Variants in RPAP3 observed in about 807,000 individuals in gnomAD.
RPAP3 encodes the protein RNA polymerase II-associated protein 3.
Under a neutral mutation model 88.8 loss-of-function variants are expected in RPAP3, and 58 were observed. That is an observed-to-expected ratio of 0.65 (90% CI 0.53 to 0.81). RPAP3 has a LOEUF of 0.81. Among genes scored for constraint, RPAP3 ranks in the 40% least tolerant of loss-of-function variants. The probability of loss-of-function intolerance (pLI) is 0.00; values close to 1 mark genes in which losing one functional copy is unlikely to be tolerated. For synonymous variants in RPAP3, 255 were observed against 259.9 expected, an observed-to-expected ratio of 0.98 and a Z score of 0.18; for missense variants, 751 against 764.3, an observed-to-expected ratio of 0.98 and a Z score of 0.20.
Position 47,695,437 on chromosome 12 carries a change from T to G in RPAP3, c.545+839A>C, listed in dbSNP as rs981455467. Among the ~76,000 whole-genome samples, 3 of 152,024 alleles carry G rather than the reference T, an allele frequency of 2.0e-5. No individual in the cohort carries two copies. In the East Asian group the frequency reaches 5.8e-4, roughly 29 times the overall value. On this transcript the variant is annotated intron_variant, in intron 5 of 16. Coordinates refer to ENST00000005386, the MANE Select transcript of RPAP3 (RefSeq NM_024604.3). Reference sequence around the variant, plus strand: ...TTAAATCAAAAGGATGACAAATATATAATTCAAGATAGTGGTTAACTGGGA... The same window carrying G: ...TTAAATCAAAAGGATGACAAATATAGAATTCAAGATAGTGGTTAACTGGGA...
chr12:47,701,071 C>T (rs1393158445), intron 3 of RPAP3: 2 of 152,982 alleles, frequency 1.3e-5, no homozygotes, highest in African/African-American at 4.8e-5. Context: ...TAAAATAACA[C>T]AGAACCATAC....
intron 3 of RPAP3, among the ~76,000 whole-genome samples, chr12:47,698,957 C>T (rs1376607906): frequency 6.6e-6 from 1 of 152,110 alleles, no homozygotes; most frequent in Non-Finnish European, 1.5e-5. Flanking sequence ...ATTAAATGAA[C>T]ATTGAAACAT....
At position 47,681,787 on chromosome 12, in the gene RPAP3, T is replaced by C. The variant is rs776231902; in HGVS notation, c.1023A>G (p.Gln341=). The change falls in exon 10 of 17, where the codon CAA becomes CAG. Residue 341 remains glutamine, a synonymous_variant. Coordinates refer to ENST00000005386, the MANE Select transcript of RPAP3 (RefSeq NM_024604.3). ...AATATGAGCCATCTAATAAAATGGC[T>C]TGTGTGCAGTCTTTTTCAGCTTCTT... The part of the protein sequence containing the change: ...KYEEAEKDCT[Q]AILLDGSYSK... 14 of 1,610,638 alleles carry C rather than the reference T, an allele frequency of 8.7e-6. No homozygotes were observed. The highest frequency in any genetic ancestry group is 1.1e-5 in the Non-Finnish European group (13 of 1,178,618).
chr12:47,701,943 C>A (rs937061061), intron 2 of RPAP3, among the ~76,000 whole-genome samples: 4 of 152,194 alleles, frequency 2.6e-5, no homozygotes, highest in African/African-American at 9.7e-5. Flanking sequence ...ACAAACTGAA[C>A]TGCCTCCATA....
At chr12:47,678,718 A>G (rs1425210666) in intron 12 of RPAP3, among the ~76,000 whole-genome samples, 1 of 152,254 alleles carries the variant, frequency 6.6e-6, no homozygotes, top group Non-Finnish European at 1.5e-5. Flanking sequence ...CATGCCAGTT[A>G]GAATGGCAAT....
chr12:47,698,755 G>T (rs1565723559), intron 3 of RPAP3, among the ~76,000 whole-genome samples: 1 of 152,210 alleles, frequency 6.6e-6, no homozygotes, highest in East Asian at 1.9e-4. Context: ...CAAGCAATCT[G>T]CCCGCCTCAG....
In RPAP3 at chr12:47,669,063, G is replaced by A. The variant is rs2136607743; in HGVS notation, c.1566C>T (p.Tyr522=). The A allele has an allele frequency of 6.2e-7, 1 of 1,613,946 alleles. No individual in the cohort carries two copies. Among genetic ancestry groups the A allele is most frequent in the Non-Finnish European group, 8.5e-7 (1 of 1,179,864 alleles). ...CTATCTCTATGGGCATTTTCTCGCT[G>A]TAAGACTGACATACATCCTGCTTCA... ...ASLKQDVCQS[Y]SEKMPIEIEQ... is the part of the protein sequence containing the mutation. Residue 522 remains tyrosine, a synonymous_variant, in exon 14 of 17, where the codon TAC becomes TAT. Coordinates refer to ENST00000005386, the MANE Select transcript of RPAP3 (RefSeq NM_024604.3).
intron 5 of RPAP3, among the ~76,000 whole-genome samples, chr12:47,695,261 A>G (rs941394662): frequency 6.7e-6 from 1 of 149,612 alleles, no homozygotes; most frequent in Non-Finnish European, 1.5e-5. Flanking sequence ...CTCTAGAGCT[A>G]TAAGCATCAA....
At chr12:47,693,020 T>C (rs1396074224) in intron 5 of RPAP3, among the ~76,000 whole-genome samples, 2 of 152,116 alleles carry the variant, frequency 1.3e-5, no homozygotes, top group Non-Finnish European at 2.9e-5. Flanking sequence ...GCTGGGATTA[T>C]AGGCATGCGC....
chr12:47,672,493 A>G (rs1939019844), intron 12 of RPAP3, among the ~76,000 whole-genome samples: 1 of 152,228 alleles, frequency 6.6e-6, no homozygotes, highest in African/African-American at 2.4e-5. Context: ...TTCTCAATTT[A>G]CGGAGAAAAA....
At chr12:47,674,693 A>G (rs1482107149) in intron 12 of RPAP3, among the ~76,000 whole-genome samples, 1 of 143,502 alleles carries the variant, frequency 7.0e-6, no homozygotes, top group African/African-American at 2.4e-5. Flanking sequence ...AGACAAGGTT[A>G]GAGAAAAAAG....
intron 4 of RPAP3, 65 bp downstream of exon 4, chr12:47,697,532 C>T (rs1027795754): frequency 2.2e-5 from 32 of 1,448,072 alleles, no homozygotes; most frequent in East Asian, 1.2e-4. Flanking sequence ...AGAAACTTTA[C>T]GATCCACATG....
Position 47,697,716 on chromosome 12 carries a change from G to A in RPAP3, c.298C>T (p.Arg100Cys), listed in dbSNP as rs138031379. The A allele has an allele frequency of 5.1e-4, 811 of 1,590,494 alleles. No homozygotes were observed. The highest frequency in any genetic ancestry group is 6.4e-4 in the Non-Finnish European group (748 of 1,173,058). Residue 100 changes from arginine (R) to cysteine (C), a missense_variant, in exon 4 of 17, where the codon CGT (arginine) becomes TGT (cysteine). Transcript: ENST00000005386. Reference protein sequence around the residue: ...YEAWAKLDVDRILDELDKDDS... With the variant: ...YEAWAKLDVDCILDELDKDDS... ...TCTTTGTCAAGCTCATCAAGGATAC[G>A]GTCCTAAAATCAAAAGACGGAAAAC... is the stretch of plus-strand genomic sequence containing the variant.
In RPAP3 at chr12:47,695,287, T is replaced by C. The variant is rs573764790; in HGVS notation, c.545+989A>G. ...TAAGCATCAAAACAAGAATGAATCA[T>C]AAAAATATAATAAATAGGTGAGCCA... On this transcript the variant is annotated intron_variant, in intron 5 of 16. Coordinates refer to ENST00000005386, the MANE Select transcript of RPAP3 (RefSeq NM_024604.3). Among the ~76,000 whole-genome samples, 27 of 152,126 alleles carry C rather than the reference T, an allele frequency of 1.8e-4. No individual in the cohort carries two copies. In the South Asian group the frequency reaches 5.4e-3, roughly 30 times the overall value.
chr12:47,679,045 T>C (rs1939170611), intron 12 of RPAP3, among the ~76,000 whole-genome samples: 1 of 152,222 alleles, frequency 6.6e-6, no homozygotes, highest in South Asian at 2.1e-4. Context: ...GTGGCACATA[T>C]ACACCACGGA....
chr12:47,704,162 G>A (rs1053294538), intron 1 of RPAP3, among the ~76,000 whole-genome samples: 5 of 152,182 alleles, frequency 3.3e-5, no homozygotes, highest in Non-Finnish European at 7.4e-5. Flanking sequence ...ACTGGGGAAT[G>A]GGGTGAACCT....
In RPAP3 at chr12:47,679,527, T is replaced by G. The variant is rs1939182069; in HGVS notation, c.1253A>C (p.Lys418Thr). 2.5e-6 allele frequency: 4 copies of G among 1,606,318 alleles called. No homozygotes were observed. Among genetic ancestry groups the G allele is most frequent in the Non-Finnish European group, 2.6e-6 (3 of 1,175,534 alleles). ...AGGATGCGGTGGATTATCAATGGGT[T>G]TTACCACATTTTGTCTTTGTGTGGA... is the stretch of plus-strand genomic sequence containing the variant. ...LDSTQRQNVV[K>T]PIDNPPHPGS... The change falls in exon 12 of 17, where the codon AAA becomes ACA. Residue 418 changes from lysine (K) to threonine (T), a missense_variant. Transcript: ENST00000005386.
chr12:47,667,051 AT>A lies in RPAP3; in HGVS notation c.1840del (p.Ile614SerfsTer8). 1 of 1,510,328 alleles carries A rather than the reference AT, an allele frequency of 6.6e-7. No homozygotes were observed. The highest frequency in any genetic ancestry group is 8.8e-7 in the Non-Finnish European group (1 of 1,132,316). 93.6% of individuals were successfully genotyped at this position (1,510,328 alleles called of 1,614,324 possible). A position where few individuals can be genotyped will look rare whatever the true frequency, so the allele number is the denominator to read the frequency against. ...EKEKPLLIFE[I>X]LQRLSELKRF... is the part of the protein sequence containing the mutation. ...TTTTAGTTCAGAAAGTCTTTGTAAGATTTCAAAGATGAGTAATGGCTTTTCT... is the reference window on the plus strand; with the variant it reads ...TTTTAGTTCAGAAAGTCTTTGTAAGATTCAAAGATGAGTAATGGCTTTTCT... On this transcript the variant is annotated frameshift_variant, in exon 16 of 17. Transcript: ENST00000005386. LOFTEE classifies it high-confidence loss of function.
intron 9 of RPAP3, among the ~76,000 whole-genome samples, chr12:47,686,576 ACT>A (rs1592479178): frequency 1.3e-5 from 2 of 150,510 alleles, no homozygotes; most frequent in East Asian, 3.9e-4. Context: ...ACACACACAC[ACT>A]ACTTTTCCCC....
Sources: allele counts gnomAD v4.1 joint callset (sites outside exome capture counted in the v4.1 genomes callset), GRCh38; gene constraint gnomAD v4.1.1; transcripts MANE v1.5; gene names NCBI Gene and HGNC (gene_info 2026-07-23, HGNC 2026-07-21).